The following UNC5D variants were observed in gnomAD, a reference collection of about 807,000 sequenced individuals.
The protein encoded by UNC5D is netrin receptor UNC5D.
Under a neutral mutation model 105.4 loss-of-function variants are expected in UNC5D, and 39 were observed. The ratio of observed to expected loss-of-function variants is 0.37; its 90% CI spans 0.29 to 0.48. The LOEUF (loss-of-function observed/expected upper bound fraction) is 0.48, where lower values mean the gene tolerates loss of function less well. Ranked by LOEUF, UNC5D falls within the 20% of genes least tolerant of loss-of-function variation. The pLI, the probability that UNC5D is intolerant of heterozygous loss-of-function variation, is 0.98. For missense variants in UNC5D, 991 were observed against 1,202.4 expected (o/e 0.82, Z 2.60); for synonymous variants, 452 against 450.4 (o/e 1.00, Z -0.04).
At chr8:35,763,051 G>GT in intron 14 of UNC5D, among the ~76,000 whole-genome samples, 1 of 152,238 alleles carries the variant, frequency 6.6e-6, no homozygotes, top group South Asian at 2.1e-4. Flanking sequence ...GCTCGTTGGT[G>GT]TTTTTTGTTT....
chr8:35,764,915 G>A (rs1287933037), intron 14 of UNC5D, among the ~76,000 whole-genome samples: 4 of 152,168 alleles, frequency 2.6e-5, no homozygotes, highest in African/African-American at 9.7e-5. Flanking sequence ...AAAATAGAAG[G>A]CACTCAAGAC....
At chr8:35,760,481 G>A (rs956881911) in intron 14 of UNC5D, among the ~76,000 whole-genome samples, 1 of 151,976 alleles carries the variant, frequency 6.6e-6, no homozygotes, top group African/African-American at 2.4e-5. Flanking sequence ...GTTATTTCAA[G>A]TACATGCTTA....
chr8:35,696,129 A>T (rs1036121167), intron 7 of UNC5D, among the ~76,000 whole-genome samples: 50 of 152,282 alleles, frequency 3.3e-4, no homozygotes, highest in African/African-American at 9.6e-4. Flanking sequence ...ACTAGACTGT[A>T]CTAGACTGTA....
At chr8:35,739,149 G>T (rs906847599) in intron 11 of UNC5D, among the ~76,000 whole-genome samples, 2 of 152,110 alleles carry the variant, frequency 1.3e-5, no homozygotes, top group African/African-American at 4.8e-5. Context: ...AACAAAAAGG[G>T]CAATTTATCA....
At position 35,792,757 on chromosome 8, in the gene UNC5D, G is replaced by A. The variant is rs967667335; in HGVS notation, c.*2194G>A. 1.0e-5 allele frequency: 3 copies of A among 288,016 alleles called. No individual in the cohort carries two copies. The highest frequency in any genetic ancestry group is 6.9e-5 in the African/African-American group (3 of 43,562). The allele number at this position is 288,016 out of a possible 1,614,324, so 17.8% of individuals were successfully genotyped here. ...GGATTTTTGTTTTAAACTGTCTTTA[G>A]CATTTTCCCTCTTCCCTTCTAATGG... On this transcript the variant is annotated 3_prime_UTR_variant, in exon 17 of 17. Transcript: ENST00000404895.
At chr8:35,484,712 T>C (rs1268164116) in intron 1 of UNC5D, among the ~76,000 whole-genome samples, 1 of 152,182 alleles carries the variant, frequency 6.6e-6, no homozygotes, top group African/African-American at 2.4e-5. Flanking sequence ...CTTAATATCA[T>C]GGATCTTATT....
rs770455770 is a variant in UNC5D at position 35,443,669 on chromosome 8, G to T, written c.104-105623G>T. Among the ~76,000 whole-genome samples the T allele has an allele frequency of 7.4e-4, 113 of 151,876 alleles. 1 individual carries two copies. The highest frequency in any genetic ancestry group is 2.1e-4 in the Non-Finnish European group (14 of 67,902). ...AATGGTAATAGCTTCACACTGGAAA[G>T]AATATTTTTTATTATTATGGTTAAA... On this transcript the variant is annotated intron_variant, in intron 1 of 16. Transcript: ENST00000404895.
chr8:35,629,502 A>AAT (rs1821906921), intron 4 of UNC5D, among the ~76,000 whole-genome samples: 1 of 152,078 alleles, frequency 6.6e-6, no homozygotes, highest in Admixed American at 6.6e-5. Flanking sequence ...TAAGGTATTC[A>AAT]TGGACATAAA....
intron 8 of UNC5D, among the ~76,000 whole-genome samples, chr8:35,714,446 C>G (rs1828135691): frequency 6.6e-6 from 1 of 152,060 alleles, no homozygotes; most frequent in Non-Finnish European, 1.5e-5. Context: ...TGTTCAGGAT[C>G]AAGGAAATCG....
chr8:35,695,345 T>C (rs1826686172), intron 7 of UNC5D, among the ~76,000 whole-genome samples: 1 of 152,144 alleles, frequency 6.6e-6, no homozygotes, highest in East Asian at 1.9e-4. Flanking sequence ...TAAAATCTTA[T>C]GATTCTAACT....
chr8:35,587,993 T>C (rs1020203649), intron 3 of UNC5D, among the ~76,000 whole-genome samples: 63 of 141,194 alleles, frequency 4.5e-4, no homozygotes, highest in African/African-American at 1.5e-3. Flanking sequence ...TATATATATA[T>C]ACTAATCCCA....
intron 1 of UNC5D, among the ~76,000 whole-genome samples, chr8:35,513,808 G>C (rs943194245): frequency 6.6e-6 from 1 of 152,128 alleles, no homozygotes; most frequent in Non-Finnish European, 1.5e-5. Flanking sequence ...TGTGTATAAT[G>C]GTTGTTTACC....
intron 1 of UNC5D, among the ~76,000 whole-genome samples, chr8:35,422,255 C>T (rs1225150372): frequency 6.6e-6 from 1 of 152,120 alleles, no homozygotes; most frequent in African/African-American, 2.4e-5. Context: ...CTGGAAACAC[C>T]AACACCAAAG....
chr8:35,319,739 C>T (rs1809579943), intron 1 of UNC5D, among the ~76,000 whole-genome samples: 1 of 151,794 alleles, frequency 6.6e-6, no homozygotes, highest in Non-Finnish European at 1.5e-5. Context: ...TATGGTCCTC[C>T]AGAGTTGTCA....
intron 1 of UNC5D, among the ~76,000 whole-genome samples, chr8:35,360,841 C>A (rs1801814920): frequency 6.6e-6 from 1 of 152,028 alleles, no homozygotes; most frequent in African/African-American, 2.4e-5. Flanking sequence ...CAGCTACTGA[C>A]AATGTGTAGT....
chr8:35,337,238 A>T (rs1043202280), intron 1 of UNC5D, among the ~76,000 whole-genome samples: 4 of 151,336 alleles, frequency 2.6e-5, no homozygotes, highest in Non-Finnish European at 5.9e-5. Context: ...TCCCAATATC[A>T]CTCCCTACTA....
intron 1 of UNC5D, among the ~76,000 whole-genome samples, chr8:35,507,912 T>C (rs565776886): frequency 3.9e-5 from 6 of 152,180 alleles, no homozygotes; most frequent in African/African-American, 7.2e-5. Flanking sequence ...AAATTAAAAA[T>C]TATTTTTTTA....
At chr8:35,371,667 GA>G (rs967561085) in intron 1 of UNC5D, among the ~76,000 whole-genome samples, 3 of 151,388 alleles carry the variant, frequency 2.0e-5, no homozygotes, top group South Asian at 4.2e-4. Context: ...AGACTCACAG[GA>G]AAAAAAAATC....
chr8:35,489,436 T>A (rs1434588272), intron 1 of UNC5D, among the ~76,000 whole-genome samples: 2 of 152,218 alleles, frequency 1.3e-5, no homozygotes, highest in African/African-American at 4.8e-5. Flanking sequence ...TAAGTTAACA[T>A]GAGTCCATCA....
Sources: allele counts gnomAD v4.1 joint callset (sites outside exome capture counted in the v4.1 genomes callset), GRCh38; gene constraint gnomAD v4.1.1; transcripts MANE v1.5; gene names NCBI Gene and HGNC (gene_info 2026-07-23, HGNC 2026-07-21).